Variants in TMEM87B observed in about 807,000 individuals in gnomAD.
TMEM87B encodes the protein transmembrane protein 87B.
A neutral mutation model predicts 80.3 loss-of-function variants in TMEM87B; 83 were observed. The observed-to-expected ratio is 1.03, with a 90% confidence interval of 0.87 to 1.24. The LOEUF (loss-of-function observed/expected upper bound fraction) is 1.24. TMEM87B is among the 50% of genes most tolerant of loss of function. The probability of loss-of-function intolerance (pLI) is 0.00; values close to 1 mark genes in which losing one functional copy is unlikely to be tolerated. For synonymous variants in TMEM87B, 219 were observed against 230.5 expected, an observed-to-expected ratio of 0.95 and a Z score of 0.45; for missense variants, 625 against 674.4, an observed-to-expected ratio of 0.93 and a Z score of 0.81.
At position 112,081,413 on chromosome 2, in the gene TMEM87B, A is replaced by G. The variant is rs1678994524; in HGVS notation, c.733A>G (p.Ile245Val). Residue 245 changes from isoleucine to valine, a missense_variant, in exon 8 of 19, where the codon ATA becomes GTA. Coordinates refer to ENST00000283206, the MANE Select transcript of TMEM87B (RefSeq NM_032824.3). ...GTGGTCTGCCTGTTATTGGAAAGAT[A>G]TATTAAGAATCCAGTTCTGGATTGC... ...LTWSACYWKD[I>V]LRIQFWIAAV... 1.9e-6 allele frequency: 3 copies of G among 1,614,022 alleles called. No individual in the cohort carries two copies. The highest frequency in any genetic ancestry group is 1.3e-5 in the African/African-American group (1 of 75,052).
Position 112,055,389 on chromosome 2 carries a change from G to A in TMEM87B, c.-203G>A, listed in dbSNP as rs960819799. 1 of 570,196 alleles carries A rather than the reference G, an allele frequency of 1.8e-6. No homozygotes were observed. Among genetic ancestry groups the A allele is most frequent in the Non-Finnish European group, 2.9e-6 (1 of 341,322 alleles). 35.3% of individuals were successfully genotyped at this position (570,196 alleles called of 1,614,324 possible). On this transcript the variant is annotated 5_prime_UTR_variant, in exon 1 of 19. Coordinates refer to ENST00000283206, the MANE Select transcript of TMEM87B (RefSeq NM_032824.3). Reference sequence around the variant, plus strand: ...GCTGCACGCTCGGGCCCGGCTCAGAGCCCTAAGCCCTGCCTCCCGGTCCTG... The same window carrying A: ...GCTGCACGCTCGGGCCCGGCTCAGAACCCTAAGCCCTGCCTCCCGGTCCTG...
intron 2 of TMEM87B, among the ~76,000 whole-genome samples, chr2:112,061,812 C>T (rs1019302964): frequency 6.6e-6 from 1 of 152,152 alleles, no homozygotes; most frequent in African/African-American, 2.4e-5. Context: ...AGAGCAAAAG[C>T]ATAATAAAAC....
intron 16 of TMEM87B, among the ~76,000 whole-genome samples, chr2:112,106,568 A>AT (rs200445112): frequency 0.029 from 4,312 of 146,182 alleles, 55 homozygotes; most frequent in African/African-American, 0.046. Context: ...AAATTAACAG[A>AT]TTTTTTTTTT....
At chr2:112,077,346 A>G in intron 6 of TMEM87B, 64 bp downstream of exon 6, 1 of 770,762 alleles carries the variant, frequency 1.3e-6, no homozygotes, top group Non-Finnish European at 2.1e-6. Flanking sequence ...TTTGTCACTG[A>G]CCTGAGTCAA....
chr2:112,113,505 C>G (rs575045272), intron 18 of TMEM87B, among the ~76,000 whole-genome samples: 1 of 152,268 alleles, frequency 6.6e-6, no homozygotes, highest in African/African-American at 2.4e-5. Context: ...GGGGCCAGAG[C>G]TGTATACGTT....
chr2:112,091,707 T>G lies in TMEM87B; in HGVS notation c.1033-5T>G, dbSNP rs1409202084. On this transcript the variant is annotated splice_polypyrimidine_tract_variant and splice_region_variant and intron_variant, in intron 10 of 18. Transcript: ENST00000283206. ...CAGGTTTCTTCCCTTATTTTTATCT[T>G]TCAGGGTTCTAACCATTTAGCTGTT... 6.2e-7 allele frequency: 1 copy of G among 1,607,224 alleles called. No individual in the cohort carries two copies. The highest frequency in any genetic ancestry group is 8.5e-7 in the Non-Finnish European group (1 of 1,175,582).
At chr2:112,100,428 T>A (rs879513160) in intron 14 of TMEM87B, among the ~76,000 whole-genome samples, 194 bp from the exon 15 acceptor site, 1 of 152,196 alleles carries the variant, frequency 6.6e-6, no homozygotes, top group Non-Finnish European at 1.5e-5. Context: ...ACAAACAGGG[T>A]TTGAGAGCTC....
chr2:112,066,325 A>G (rs187911572), intron 3 of TMEM87B, among the ~76,000 whole-genome samples: 14 of 152,204 alleles, frequency 9.2e-5, no homozygotes, highest in African/African-American at 2.4e-5. Flanking sequence ...GTTGATTTTT[A>G]CTTTGTTATA....
chr2:112,100,427 G>A (rs1679597660), intron 14 of TMEM87B, among the ~76,000 whole-genome samples, 195 bp from the exon 15 acceptor site: 1 of 152,114 alleles, frequency 6.6e-6, no homozygotes, highest in African/African-American at 2.4e-5. Context: ...TACAAACAGG[G>A]TTTGAGAGCT....
At chr2:112,110,411 A>G (rs1192067083) in intron 17 of TMEM87B, among the ~76,000 whole-genome samples, 1 of 151,952 alleles carries the variant, frequency 6.6e-6, no homozygotes. Flanking sequence ...TTCTTACTGT[A>G]GAATGTTTTT....
At chr2:112,106,172 A>G in intron 16 of TMEM87B, 97 bp downstream of exon 16, 1 of 770,660 alleles carries the variant, frequency 1.3e-6, no homozygotes, top group Non-Finnish European at 1.9e-6. Flanking sequence ...TCTCAGAAGA[A>G]CAGTTTTTAC....
chr2:112,064,044 A>T (rs114914491), intron 2 of TMEM87B, 118 bp from the exon 3 acceptor site: 9,177 of 759,934 alleles, frequency 0.012, 106 homozygotes, highest in South Asian at 0.042. Flanking sequence ...AAATTAGCTA[A>T]TGTTTTACTC....
At chr2:112,096,567 A>G (rs1679475045) in intron 11 of TMEM87B, among the ~76,000 whole-genome samples, 1 of 152,264 alleles carries the variant, frequency 6.6e-6, no homozygotes, top group South Asian at 2.1e-4. Flanking sequence ...TTTAAAATTT[A>G]TAAAATGGAA....
intron 16 of TMEM87B, 114 bp from the exon 17 acceptor site, chr2:112,107,673 AC>A: frequency 2.0e-6 from 1 of 496,180 alleles, no homozygotes; most frequent in Non-Finnish European, 3.3e-6. Context: ...ATATGTAGAA[AC>A]TAAAAGAATG....
intron 4 of TMEM87B, among the ~76,000 whole-genome samples, chr2:112,073,131 C>G (rs1333819714): frequency 3.3e-5 from 5 of 151,950 alleles, no homozygotes; most frequent in Non-Finnish European, 7.4e-5. Context: ...AACTCGTGAC[C>G]TCAGATGATC....
chr2:112,095,151 TCTTTTCTTTCTTTC>T (rs1679422024), intron 11 of TMEM87B: 1 of 940,488 alleles, frequency 1.1e-6, no homozygotes, highest in Non-Finnish European at 1.3e-6. Flanking sequence ...GTTTCTCTTT[TCTTTTCTTTCTTTC>T]TTTTTTTTTT....
intron 2 of TMEM87B, among the ~76,000 whole-genome samples, chr2:112,060,580 A>G (rs1033647576): frequency 1.3e-5 from 2 of 148,908 alleles, no homozygotes; most frequent in Non-Finnish European, 3.0e-5. Context: ...TCTGTCACCC[A>G]GGCTGGAGTG....
At chr2:112,102,186 A>G (rs6753209) in intron 15 of TMEM87B, among the ~76,000 whole-genome samples, 8,058 of 152,242 alleles carry the variant, frequency 0.053, 389 homozygotes, top group African/African-American at 0.13. Flanking sequence ...AGTCTAACAG[A>G]CGTTACAAGA....
intron 18 of TMEM87B, among the ~76,000 whole-genome samples, 196 bp from the exon 19 acceptor site, chr2:112,115,888 G>A (rs548226973): frequency 6.6e-6 from 1 of 152,152 alleles, no homozygotes; most frequent in East Asian, 1.9e-4. Context: ...TTCCCGCCTC[G>A]GCCTCCCAAA....
Sources: allele counts gnomAD v4.1 joint callset (sites outside exome capture counted in the v4.1 genomes callset), GRCh38; gene constraint gnomAD v4.1.1; transcripts MANE v1.5; gene names NCBI Gene and HGNC (gene_info 2026-07-23, HGNC 2026-07-21).